HMBOX1: variants seen among roughly 807,000 people sequenced by gnomAD.
The protein encoded by HMBOX1 is homeobox containing 1, also known as homeobox-containing protein 1.
A neutral mutation model predicts 54.5 loss-of-function variants in HMBOX1; 14 were observed. The ratio of observed to expected loss-of-function variants is 0.26; its 90% CI spans 0.17 to 0.40. The LOEUF is 0.40. Ranked by LOEUF, HMBOX1 falls within the 10% of genes least tolerant of loss-of-function variation. The pLI, the probability that HMBOX1 is intolerant of heterozygous loss-of-function variation, is 1.00. For synonymous variants in HMBOX1, 160 were observed against 181.0 expected (o/e 0.88, Z 0.93); for missense variants, 332 against 514.4 (o/e 0.65, Z 3.43).
intron 6 of HMBOX1, among the ~76,000 whole-genome samples, chr8:29,038,618 T>C (rs546941741): frequency 6.6e-6 from 1 of 152,330 alleles, no homozygotes; most frequent in South Asian, 2.1e-4. Flanking sequence ...CAGTGTGTAC[T>C]GTTCCTAGGG....
intron 5 of HMBOX1, 124 bp from the exon 6 acceptor site, chr8:29,018,632 GAGAA>G (rs1800696311): frequency 1.1e-6 from 1 of 884,968 alleles, no homozygotes; most frequent in African/African-American, 1.7e-5. Flanking sequence ...AAATTTTTCA[GAGAA>G]AGATACATTG....
intron 1 of HMBOX1, among the ~76,000 whole-genome samples, chr8:28,942,360 C>T (rs908681200): frequency 6.6e-6 from 1 of 152,156 alleles, no homozygotes; most frequent in African/African-American, 2.4e-5. Context: ...ATTTCTTAGT[C>T]ATATTTGGAA....
At position 28,976,009 on chromosome 8, in the gene HMBOX1, T is replaced by C. The variant is rs536147328; in HGVS notation, c.501-4062T>C. 7.9e-5 allele frequency among the ~76,000 whole-genome samples: 12 copies of C among 152,290 alleles called. No homozygotes were observed. In the South Asian group the frequency reaches 2.5e-3, roughly 32 times the overall value. On this transcript the variant is annotated intron_variant, in intron 3 of 9. Coordinates refer to ENST00000287701, the MANE Select transcript of HMBOX1 (RefSeq NM_001135726.3). ...AGTTTGAACAACAAAGCTAACCCAC[T>C]AGAATGGAACTTTTAAAAATACTTA...
At chr8:28,984,272 C>T (rs963147302) in intron 4 of HMBOX1, among the ~76,000 whole-genome samples, 1 of 152,174 alleles carries the variant, frequency 6.6e-6, no homozygotes, top group Non-Finnish European at 1.5e-5. Flanking sequence ...ACAACAAGTT[C>T]TCTTAAAAAG....
chr8:28,905,901 G>C (rs1365484249), intron 1 of HMBOX1, among the ~76,000 whole-genome samples: 1 of 152,108 alleles, frequency 6.6e-6, no homozygotes, highest in East Asian at 1.9e-4. Flanking sequence ...CTAAAGACTT[G>C]ATTCTAACAC....
At chr8:28,966,635 A>G (rs893241837) in intron 2 of HMBOX1, among the ~76,000 whole-genome samples, 1 of 152,202 alleles carries the variant, frequency 6.6e-6, no homozygotes, top group African/African-American at 2.4e-5. Context: ...GCCGGAGTAT[A>G]TGCCTTTGTT....
At chr8:28,895,306 A>G (rs183611745) in intron 1 of HMBOX1, among the ~76,000 whole-genome samples, 98 of 152,368 alleles carry the variant, frequency 6.4e-4, no homozygotes, top group African/African-American at 2.3e-3. Context: ...CACAATTTTT[A>G]TAGCAAGAAA....
intron 1 of HMBOX1, among the ~76,000 whole-genome samples, chr8:28,894,835 T>G (rs898624364): frequency 1.3e-5 from 2 of 152,200 alleles, no homozygotes; most frequent in African/African-American, 4.8e-5. Context: ...GTTTTTACCC[T>G]TATAGTGGTA....
At chr8:28,908,396 A>G (rs1169764957) in intron 1 of HMBOX1, among the ~76,000 whole-genome samples, 1 of 152,240 alleles carries the variant, frequency 6.6e-6, no homozygotes, top group Non-Finnish European at 1.5e-5. Context: ...TTGAATTTTT[A>G]TCTTTTAATT....
chr8:28,962,356 T>C, intron 1 of HMBOX1, among the ~76,000 whole-genome samples: 1 of 152,220 alleles, frequency 6.6e-6, no homozygotes, highest in Non-Finnish European at 1.5e-5. Context: ...TTTTCCTGTC[T>C]GTGAAATGAG....
At chr8:28,996,625 A>G (rs1831889682) in intron 4 of HMBOX1, among the ~76,000 whole-genome samples, 1 of 152,176 alleles carries the variant, frequency 6.6e-6, no homozygotes, top group South Asian at 2.1e-4. Flanking sequence ...GATGAAGTGT[A>G]TATTGTTTTG....
intron 5 of HMBOX1, among the ~76,000 whole-genome samples, chr8:29,014,291 AAT>A (rs1834671899): frequency 1.3e-5 from 2 of 152,210 alleles, no homozygotes; most frequent in Non-Finnish European, 2.9e-5. Flanking sequence ...TCTGTAAGGA[AAT>A]AGACAACACA....
At chr8:29,006,986 AC>A (rs1462677350) in intron 4 of HMBOX1, among the ~76,000 whole-genome samples, 1 of 151,994 alleles carries the variant, frequency 6.6e-6, no homozygotes, top group African/African-American at 2.4e-5. Context: ...TGTTTTCTTC[AC>A]CCTTTAAAAA....
At chr8:28,992,671 C>T (rs1201620026) in intron 4 of HMBOX1, among the ~76,000 whole-genome samples, 6 of 151,870 alleles carry the variant, frequency 4.0e-5, no homozygotes, top group Non-Finnish European at 5.9e-5. Flanking sequence ...GAGTTCAAGA[C>T]GAGTCTGGTC....
chr8:28,944,294 A>G (rs988916291), intron 1 of HMBOX1, among the ~76,000 whole-genome samples: 2 of 152,194 alleles, frequency 1.3e-5, no homozygotes, highest in South Asian at 4.1e-4. Context: ...TTAAGTGTAG[A>G]CTGTTAGAAT....
chr8:28,914,467 A>G (rs926979602), intron 1 of HMBOX1, among the ~76,000 whole-genome samples: 1 of 152,244 alleles, frequency 6.6e-6, no homozygotes, highest in African/African-American at 2.4e-5. Flanking sequence ...TCGCCTCATC[A>G]GAATCATCTT....
intron 1 of HMBOX1, among the ~76,000 whole-genome samples, chr8:28,938,374 G>A (rs976565582): frequency 2.6e-5 from 4 of 152,164 alleles, no homozygotes; most frequent in African/African-American, 4.8e-5. Flanking sequence ...GTGCCACTTA[G>A]GAAGGGCTGC....
intron 1 of HMBOX1, among the ~76,000 whole-genome samples, chr8:28,960,867 A>T (rs968994761): frequency 3.6e-5 from 5 of 136,988 alleles, no homozygotes; most frequent in African/African-American, 1.4e-4. Context: ...GCTCACTGCA[A>T]CCTCTGCCTC....
chr8:29,014,947 TG>T (rs1586491097), intron 5 of HMBOX1, among the ~76,000 whole-genome samples: 1 of 152,250 alleles, frequency 6.6e-6, no homozygotes, highest in East Asian at 1.9e-4. Context: ...CCTAAAGTGC[TG>T]GGATTACAGG....
Sources: gnomAD v4.1 joint callset for allele counts (sites outside exome capture counted in the v4.1 genomes callset) on GRCh38, gnomAD v4.1.1 for gene constraint, MANE v1.5 for transcripts, NCBI Gene and HGNC (gene_info 2026-07-23, HGNC 2026-07-21) for gene names.